Variants in SACS observed in about 807,000 individuals in gnomAD.
SACS encodes sacsin molecular chaperone.
A neutral mutation model predicts 348.0 loss-of-function variants in SACS; 197 were observed. The observed-to-expected ratio is 0.57, with a 90% confidence interval of 0.50 to 0.64. SACS has a LOEUF of 0.64. Among genes scored for constraint, SACS ranks in the 30% least tolerant of loss-of-function variants. SACS has a pLI of 0.00. For missense variants in SACS, 4,999 were observed against 5,360.8 expected (o/e 0.93, Z 2.11); for synonymous variants, 1,985 against 1,910.6 (o/e 1.04, Z -1.02).
rs1871679819 is a variant in SACS, at chr13:23,375,232, A to C, written c.58T>G (p.Cys20Gly). ...GACGCCAGCGCCGCGACGGTCCTGC[A>C]GCCCACGCAGCCGGGGAGCACGGTC... is the stretch of plus-strand genomic sequence containing the variant. ...PVTVLPGCVGCRTVAALASWT... is the reference protein window; with the variant it reads ...PVTVLPGCVGGRTVAALASWT... The change falls in exon 3 of 10, where the codon TGC becomes GGC. Residue 20 changes from cysteine to glycine, a missense_variant. Around this residue, in one of 6 missense-constraint regions of SACS, gnomAD observed 3,156 missense variants for 3,380.1 expected, o/e 0.93. Coordinates refer to ENST00000382292, the MANE Select transcript of SACS (RefSeq NM_014363.6). The C allele has an allele frequency of 1.3e-6, 2 of 1,487,448 alleles. No homozygotes were observed. Among genetic ancestry groups the C allele is most frequent in the Non-Finnish European group, 1.8e-6 (2 of 1,116,918 alleles). The allele number at this position is 1,487,448 out of a possible 1,614,324, so 92.1% of individuals were successfully genotyped here.
intron 2 of SACS, among the ~76,000 whole-genome samples, chr13:23,397,360 G>T (rs938706044): frequency 3.9e-5 from 6 of 152,114 alleles, no homozygotes; most frequent in Admixed American, 6.5e-5. Context: ...ACTATAAAAA[G>T]TTGTAAAAGG....
Position 23,371,147 on chromosome 13 carries a change from T to C in SACS, c.190A>G (p.Ile64Val), listed in dbSNP as rs1338074569. 6 of 1,610,934 alleles carry C rather than the reference T, an allele frequency of 3.7e-6. No individual in the cohort carries two copies. Among genetic ancestry groups the C allele is most frequent in the Admixed American group, 1.7e-5 (1 of 59,938 alleles). ...GGRELSDWIK[I>V]GDLTSKNCHL... is the part of the protein sequence containing the mutation. ...CAATTTTTGGAAGTCAGATCTCCAATCTTGATCCAGTCAGATAACTGAAAA... is the reference window on the plus strand; with the variant it reads ...CAATTTTTGGAAGTCAGATCTCCAACCTTGATCCAGTCAGATAACTGAAAA... The change falls in exon 4 of 10, where the codon ATT (isoleucine) becomes GTT (valine). Residue 64 changes from isoleucine (I) to valine (V), a missense_variant. This residue lies in a region of SACS where 3,156 missense variants were observed against 3,380.1 expected (regional missense o/e 0.93). Coordinates refer to ENST00000382292, the MANE Select transcript of SACS (RefSeq NM_014363.6).
chr13:23,349,253 A>G (rs1869805741), intron 9 of SACS, among the ~76,000 whole-genome samples: 1 of 152,198 alleles, frequency 6.6e-6, no homozygotes. Context: ...GGCACAGAAA[A>G]TTTAGTCAAC....
At chr13:23,426,634 C>T (rs1473385210) in intron 1 of SACS, among the ~76,000 whole-genome samples, 2 of 74,176 alleles carry the variant, frequency 2.7e-5, no homozygotes, top group African/African-American at 4.7e-5. Context: ...AGTGAGACTC[C>T]GTCTCAAAAA....
chr13:23,386,858 G>A (rs533164545), intron 2 of SACS, among the ~76,000 whole-genome samples: 1 of 152,218 alleles, frequency 6.6e-6, no homozygotes, highest in East Asian at 1.9e-4. Flanking sequence ...GAAAAGAGAG[G>A]CTGGAGGAGA....
At chr13:23,387,675 G>A (rs1007909986) in intron 2 of SACS, among the ~76,000 whole-genome samples, 5 of 152,012 alleles carry the variant, frequency 3.3e-5, no homozygotes, top group Non-Finnish European at 4.4e-5. Flanking sequence ...GTAGGGTGGT[G>A]GTTTGAGTTC....
intron 2 of SACS, among the ~76,000 whole-genome samples, chr13:23,386,155 A>C (rs1282361350): frequency 6.6e-6 from 1 of 152,212 alleles, no homozygotes; most frequent in African/African-American, 2.4e-5. Context: ...TTAGCCCCTA[A>C]CAAGAGTCAA....
intron 9 of SACS, among the ~76,000 whole-genome samples, chr13:23,350,125 G>A (rs2137688108): frequency 6.6e-6 from 1 of 152,320 alleles, no homozygotes; most frequent in East Asian, 1.9e-4. Context: ...GGGCTTCAAA[G>A]AGGAATACCA....
Position 23,332,849 on chromosome 13 carries a change from G to A in SACS, c.11027C>T (p.Thr3676Ile), listed in dbSNP as rs1883575875. 1 of 1,613,734 alleles carries A rather than the reference G, an allele frequency of 6.2e-7. No homozygotes were observed. The highest frequency in any genetic ancestry group is 8.5e-7 in the Non-Finnish European group (1 of 1,179,830). The change falls in exon 10 of 10, where the codon ACA becomes ATA. Residue 3676 changes from threonine to isoleucine, a missense_variant. By Grantham distance (89) the Thr-to-Ile change is moderately conservative (BLOSUM62 -1). Transcript: ENST00000382292. ...FHPQYQEVNG[T>I]LPLIKFNGAQ... ...TCCATTGAACTTTATAAGAGGAAGT[G>A]TTCCATTTACCTCTTGATATTGAGG...
At chr13:23,394,130 G>T (rs1872626671) in intron 2 of SACS, among the ~76,000 whole-genome samples, 1 of 152,200 alleles carries the variant, frequency 6.6e-6, no homozygotes, top group Non-Finnish European at 1.5e-5. Flanking sequence ...TGATTAATGG[G>T]CTGGAACTTT....
At position 23,341,207 on chromosome 13, in the gene SACS, T is replaced by C. The variant is rs376902764; in HGVS notation, c.2669A>G (p.Asn890Ser). ...MEKMPLQKLC[N>S]QITSLLPTHK... is the part of the protein sequence containing the mutation. ...TGTTGGAAGTAGCGAAGTTATTTGA[T>C]TACACAATTTCTGCAATGGCATCTT... Residue 890 changes from asparagine (N) to serine (S), a missense_variant, in exon 10 of 10, where the codon AAT (asparagine) becomes AGT (serine). Asn to Ser is a conservative substitution (Grantham distance 46). Coordinates refer to ENST00000382292, the MANE Select transcript of SACS (RefSeq NM_014363.6). 52 of 1,613,778 alleles carry C rather than the reference T, an allele frequency of 3.2e-5. No individual in the cohort carries two copies. The highest frequency in any genetic ancestry group is 4.0e-5 in the Non-Finnish European group (47 of 1,180,038).
intron 1 of SACS, chr13:23,427,326 T>G (rs970532061): frequency 2.0e-5 from 3 of 152,252 alleles, no homozygotes; most frequent in African/African-American, 7.2e-5. Flanking sequence ...AAACAATCAG[T>G]GCTGTCCAGC....
At chr13:23,376,240 A>G (rs942711639) in intron 2 of SACS, among the ~76,000 whole-genome samples, 5 of 152,244 alleles carry the variant, frequency 3.3e-5, no homozygotes, top group Non-Finnish European at 7.3e-5. Context: ...CCTTGAAAGC[A>G]GGAACATGAG....
chr13:23,332,470 A>G lies in SACS; in HGVS notation c.11406T>C (p.Gly3802=). The G allele has an allele frequency of 1.2e-6, 2 of 1,613,998 alleles. No individual in the cohort carries two copies. Among genetic ancestry groups the G allele is most frequent in the Non-Finnish European group, 1.7e-6 (2 of 1,179,918 alleles). The change falls in exon 10 of 10, where the codon GGT becomes GGC. Residue 3802 remains glycine (G), a synonymous_variant. Transcript: ENST00000382292. ...RGVAFVMVED[G]WKLLKPEEVV... ...CCTCCTCAGGCTTCAGAAGTTTCCAACCATCTTCTACCATCACAAAAGCAA... is the reference window on the plus strand; with the variant it reads ...CCTCCTCAGGCTTCAGAAGTTTCCAGCCATCTTCTACCATCACAAAAGCAA...
chr13:23,355,292 G>A lies in SACS; in HGVS notation c.1320C>T (p.Phe440=), dbSNP rs754694028. 6.2e-7 allele frequency: 1 copy of A among 1,614,028 alleles called. No individual in the cohort carries two copies. The highest frequency in any genetic ancestry group is 1.3e-5 in the African/African-American group (1 of 74,922). ...DDEAKGATSD[F]SGKAFCFLPL... ...GAAGGAAACAAAATGCTTTTCCTGA[G>A]AAATCAGACGTTGCTCCTTTTGCTT... Residue 440 remains phenylalanine (F), a synonymous_variant, in exon 8 of 10, where the codon TTC becomes TTT. Transcript: ENST00000382292.
chr13:23,402,006 G>A (rs543271687), intron 2 of SACS, among the ~76,000 whole-genome samples: 13 of 152,200 alleles, frequency 8.5e-5, no homozygotes, highest in African/African-American at 2.4e-4. Context: ...GGTGAAACCC[G>A]TCTCCACAAA....
At position 23,334,840 on chromosome 13, in the gene SACS, A is replaced by T; in HGVS notation, c.9036T>A (p.Ile3012=). The change falls in exon 10 of 10, where the codon ATT becomes ATA. Residue 3012 remains isoleucine (I), a synonymous_variant. Transcript: ENST00000382292. Reference sequence around the variant, plus strand: ...TAGAAGTAGACATATTGATCCAAGTAATTATAACTGCAGAGTGCAAGTCAG... The same window carrying T: ...TAGAAGTAGACATATTGATCCAAGTTATTATAACTGCAGAGTGCAAGTCAG... ...DGSDLHSAVI[I]TWINMSTSNK... is the part of the protein sequence containing the mutation. The T allele has an allele frequency of 6.2e-7, 1 of 1,613,888 alleles. No homozygotes were observed. Among genetic ancestry groups the T allele is most frequent in the Non-Finnish European group, 8.5e-7 (1 of 1,179,840 alleles).
At chr13:23,384,548 A>T (rs1872194120) in intron 2 of SACS, among the ~76,000 whole-genome samples, 1 of 152,218 alleles carries the variant, frequency 6.6e-6, no homozygotes, top group Non-Finnish European at 1.5e-5. Flanking sequence ...GATATTAATA[A>T]ACTAGTTATT....
chr13:23,341,341 T>C lies in SACS; in HGVS notation c.2535A>G (p.Gln845=). ...TTTTAAGGACAAACCCTCCAAGTTT[T>C]TGTACAATGTCTGCTAAAAATTCTG... is the stretch of plus-strand genomic sequence containing the variant. ...QLPEFLADIV[Q]KLGGFVLKKL... The change falls in exon 10 of 10, where the codon CAA becomes CAG. Residue 845 remains glutamine (Q), a synonymous_variant. Transcript: ENST00000382292. The C allele has an allele frequency of 1.2e-6, 2 of 1,604,760 alleles. No individual in the cohort carries two copies. The highest frequency in any genetic ancestry group is 1.7e-6 in the Non-Finnish European group (2 of 1,175,208).
Sources: allele counts gnomAD v4.1 joint callset (sites outside exome capture counted in the v4.1 genomes callset), GRCh38; gene constraint gnomAD v4.1.1; regional missense constraint gnomAD v4.1.1; transcripts MANE v1.5; gene names NCBI Gene and HGNC (gene_info 2026-07-23, HGNC 2026-07-21).